Variants in SYT2 observed in about 807,000 individuals in gnomAD.
SYT2 encodes the protein synaptotagmin-2.
In SYT2, 15 loss-of-function variants were observed where a neutral mutation model predicts 39.9. The observed-to-expected ratio is 0.38, with a 90% CI of 0.25 to 0.58. SYT2 has a LOEUF of 0.58. Among genes scored for constraint, SYT2 ranks in the 20% least tolerant of loss-of-function variants. SYT2 has a pLI of 0.70. For missense variants in SYT2, 389 were observed against 530.3 expected (o/e 0.73, Z 2.62); for synonymous variants, 181 against 204.5 (o/e 0.89, Z 0.98).
Position 202,623,785 on chromosome 1 carries a change from G to A in SYT2, c.-17-17996C>T, listed in dbSNP as rs1359127055. ...AGAGAGGCACTGCTTTCTGCAGAGT[G>A]CGTGGGCAACTGCCAGCTGGGGGAG... On this transcript the variant is annotated intron_variant, in intron 1 of 8. Transcript: ENST00000367268. The surrounding 1 kb of genome is among the most constrained non-coding windows in gnomAD (Gnocchi z 4.2). Among the ~76,000 whole-genome samples the A allele has an allele frequency of 6.6e-6, 1 of 152,168 alleles. No homozygotes were observed. Among genetic ancestry groups the A allele is most frequent in the Admixed American group, 6.5e-5 (1 of 15,278 alleles).
intron 1 of SYT2, among the ~76,000 whole-genome samples, chr1:202,661,416 G>A (rs139409716): frequency 3.3e-4 from 50 of 152,232 alleles, no homozygotes; most frequent in African/African-American, 9.4e-4. Flanking sequence ...CATCACCACT[G>A]CTGAGTACAA....
intron 1 of SYT2, among the ~76,000 whole-genome samples, chr1:202,657,140 A>G (rs997017907): frequency 6.6e-6 from 1 of 152,220 alleles, no homozygotes; most frequent in Non-Finnish European, 1.5e-5. Context: ...ATAAGAGCCA[A>G]CTGTCCAAAT....
At chr1:202,687,483 G>A (rs1438712717) in intron 1 of SYT2, among the ~76,000 whole-genome samples, 3 of 152,116 alleles carry the variant, frequency 2.0e-5, no homozygotes, top group Admixed American at 2.0e-4. Context: ...TCTGGGTGGG[G>A]TGTGTGATCG....
intron 1 of SYT2, among the ~76,000 whole-genome samples, chr1:202,703,174 A>C (rs1354644102): frequency 2.0e-5 from 3 of 152,164 alleles, no homozygotes; most frequent in Non-Finnish European, 4.4e-5. Context: ...TTTGGAGCTC[A>C]GAGCACTGGC....
intron 1 of SYT2, among the ~76,000 whole-genome samples, chr1:202,707,080 A>C (rs144099863): frequency 5.3e-5 from 8 of 152,310 alleles, no homozygotes; most frequent in Non-Finnish European, 1.2e-4. Flanking sequence ...GAGGGCAGGA[A>C]ACAGGTCTGT....
At chr1:202,627,705 C>A (rs1396425813) in intron 1 of SYT2, 44 of 843,424 alleles carry the variant, frequency 5.2e-5, no homozygotes, top group Non-Finnish European at 6.1e-5. Context: ...TTGAAAATAA[C>A]CCCTAGCATG....
chr1:202,632,598 G>A, intron 1 of SYT2: 1 of 985,216 alleles, frequency 1.0e-6, no homozygotes, highest in Non-Finnish European at 1.2e-6. Context: ...GTGTTCCCAG[G>A]CATTACCCAA....
chr1:202,673,048 G>A (rs1249202430), intron 1 of SYT2, among the ~76,000 whole-genome samples: 2 of 152,114 alleles, frequency 1.3e-5, no homozygotes, highest in Non-Finnish European at 2.9e-5. Flanking sequence ...GTTTGCTAGT[G>A]TGTAAACTAA....
At chr1:202,634,855 G>A (rs1199336367) in intron 1 of SYT2, among the ~76,000 whole-genome samples, 2 of 152,196 alleles carry the variant, frequency 1.3e-5, no homozygotes, top group Non-Finnish European at 2.9e-5. Flanking sequence ...GAAAGTAGAT[G>A]ATTAGTTGGC....
At chr1:202,691,723 GAGAGGGGGGGAGA>G (rs1653831554) in intron 1 of SYT2, among the ~76,000 whole-genome samples, 1 of 16,170 alleles carries the variant, frequency 6.2e-5, no homozygotes, top group Non-Finnish European at 1.4e-4. Context: ...GAGGGAGAGG[GAGAGGGGGGGAGA>G]GAGAGAGAGA....
chr1:202,689,649 A>AG (rs1653769011), intron 1 of SYT2, among the ~76,000 whole-genome samples: 1 of 152,042 alleles, frequency 6.6e-6, no homozygotes, highest in African/African-American at 2.4e-5. Flanking sequence ...TTGAGTGTCC[A>AG]GGGGGCAGGG....
intron 1 of SYT2, among the ~76,000 whole-genome samples, chr1:202,685,140 T>A (rs189225692): frequency 5.9e-5 from 9 of 152,158 alleles, no homozygotes; most frequent in Middle Eastern, 3.2e-3. Flanking sequence ...AGTGGCCACC[T>A]GAACAAACAG....
At chr1:202,653,509 A>G (rs1035446650) in intron 1 of SYT2, among the ~76,000 whole-genome samples, 1 of 148,910 alleles carries the variant, frequency 6.7e-6, no homozygotes, top group African/African-American at 2.5e-5. Context: ...GTCTGGGCAC[A>G]TAGTAGATGC....
chr1:202,685,613 G>A (rs1179095474), intron 1 of SYT2, among the ~76,000 whole-genome samples: 2 of 152,142 alleles, frequency 1.3e-5, no homozygotes, highest in African/African-American at 2.4e-5. Flanking sequence ...CTTGGGCGGG[G>A]TGGAAAAGAA....
chr1:202,662,426 G>T (rs1024601695), intron 1 of SYT2, among the ~76,000 whole-genome samples: 2 of 152,272 alleles, frequency 1.3e-5, no homozygotes, highest in African/African-American at 4.8e-5. Flanking sequence ...GCAGCATCTG[G>T]AAGACAGCAC....
chr1:202,631,305 G>A (rs957979814), intron 1 of SYT2, among the ~76,000 whole-genome samples: 2 of 152,094 alleles, frequency 1.3e-5, no homozygotes, highest in African/African-American at 4.8e-5. Context: ...GAATACCTGG[G>A]GTGGCTCCTA....
rs761468493 is a variant in SYT2, at chr1:202,659,293, T to C, written c.-18+50965A>G. 6.9e-4 allele frequency among the ~76,000 whole-genome samples: 105 copies of C among 152,132 alleles called. 1 individual carries two copies. Among genetic ancestry groups the C allele is most frequent in the Admixed American group, 8.5e-4 (13 of 15,280 alleles). On this transcript the variant is annotated intron_variant, in intron 1 of 8. Coordinates refer to ENST00000367268, the MANE Select transcript of SYT2 (RefSeq NM_177402.5). The stretch of plus-strand genomic sequence containing the variant: ...GGAACTTTTTAGTCCAGCTCTGTTT[T>C]CCCCGTTAAAAAGGTGATGAGTTCA...
Position 202,635,779 on chromosome 1 carries a change from T to C in SYT2, c.-17-29990A>G, listed in dbSNP as rs112880157. Among the ~76,000 whole-genome samples, 549 of 152,254 alleles carry C rather than the reference T, an allele frequency of 3.6e-3. 3 individuals are homozygous for C. The highest frequency in any genetic ancestry group is 0.013 in the African/African-American group (531 of 41,556). ...CCCCCATGGTTCTTGGCAGAAGATA[T>C]TGGGGGCCAAACCATGAGGCCCTAA... On this transcript the variant is annotated intron_variant, in intron 1 of 8. Coordinates refer to ENST00000367268, the MANE Select transcript of SYT2 (RefSeq NM_177402.5).
At chr1:202,624,266 G>A (rs1206315591) in intron 1 of SYT2, among the ~76,000 whole-genome samples, 1 of 151,324 alleles carries the variant, frequency 6.6e-6, no homozygotes, top group Non-Finnish European at 1.5e-5. Context: ...AGGGTGTGGG[G>A]GACAGTGGGG....
Sources: allele counts gnomAD v4.1 joint callset (sites outside exome capture counted in the v4.1 genomes callset), GRCh38; gene constraint gnomAD v4.1.1; non-coding constraint Gnocchi (gnomAD v3.1); transcripts MANE v1.5; gene names NCBI Gene and HGNC (gene_info 2026-07-23, HGNC 2026-07-21).